Variants in ATP8A1 observed in about 807,000 individuals in gnomAD.
The protein encoded by ATP8A1 is ATPase phospholipid transporting 8A1.
In ATP8A1, 90 loss-of-function variants were observed where a neutral mutation model predicts 177.7. That is an observed-to-expected ratio of 0.51 (90% confidence interval 0.43 to 0.60). The LOEUF (loss-of-function observed/expected upper bound fraction) is 0.60, where lower values mean the gene tolerates loss of function less well. Among genes scored for constraint, ATP8A1 ranks in the 20% least tolerant of loss-of-function variants. The pLI is 0.00. For missense variants in ATP8A1, 1,072 were observed against 1,392.8 expected (o/e 0.77, Z 3.67); for synonymous variants, 493 against 485.9 (o/e 1.01, Z -0.19).
chr4:42,641,010 GAAAA>G (rs10609874), intron 1 of ATP8A1, among the ~76,000 whole-genome samples: 3 of 123,420 alleles, frequency 2.4e-5, no homozygotes, highest in Non-Finnish European at 5.1e-5. Flanking sequence ...CCCCTCACCA[GAAAA>G]AAAAAAAAAA....
intron 36 of ATP8A1, 83 bp downstream of exon 36, chr4:42,414,544 C>T: frequency 8.3e-7 from 1 of 1,201,240 alleles, no homozygotes; most frequent in Non-Finnish European, 1.2e-6. Flanking sequence ...AAATAAATAT[C>T]CCTAAAGTCA....
At chr4:42,599,888 T>C (rs531210101) in intron 6 of ATP8A1, among the ~76,000 whole-genome samples, 1 of 152,314 alleles carries the variant, frequency 6.6e-6, no homozygotes, top group South Asian at 2.1e-4. Context: ...CTAATAATAA[T>C]TGCTTACCTT....
chr4:42,639,384 T>C (rs942171696), intron 1 of ATP8A1, among the ~76,000 whole-genome samples: 1 of 152,172 alleles, frequency 6.6e-6, no homozygotes, highest in Admixed American at 6.5e-5. Flanking sequence ...ATTGATGAGA[T>C]GAGCCTGCTG....
intron 20 of ATP8A1, among the ~76,000 whole-genome samples, chr4:42,540,700 T>C (rs1200329055): frequency 6.6e-6 from 1 of 151,578 alleles, no homozygotes; most frequent in South Asian, 2.1e-4. Context: ...AAACATTGCA[T>C]ATTCTCACTT....
chr4:42,510,576 A>C (rs2153195274), intron 22 of ATP8A1, among the ~76,000 whole-genome samples: 1 of 152,240 alleles, frequency 6.6e-6, no homozygotes, highest in South Asian at 2.1e-4. Context: ...AGCCCTCAAA[A>C]TTTCCTGCAA....
intron 22 of ATP8A1, among the ~76,000 whole-genome samples, chr4:42,509,776 C>T (rs1243772142): frequency 6.8e-6 from 1 of 146,458 alleles, no homozygotes; most frequent in Admixed American, 7.3e-5. Context: ...GGCATGAACC[C>T]AGGAAGCGGA....
chr4:42,456,022 C>T (rs1027829670), intron 27 of ATP8A1, among the ~76,000 whole-genome samples: 28 of 152,030 alleles, frequency 1.8e-4, no homozygotes, highest in Non-Finnish European at 3.8e-4. Context: ...GAAATAGTTT[C>T]CTGCAATAGT....
rs1203300950 is a variant in ATP8A1, at chr4:42,445,831, GCA to G, written c.2958+750_2958+751del. ...GTGGTGGCTCATGCCTTTAATCCCAGCACTTTGGGAGGCTGAGGTGGGTGGAT... is the reference window on the plus strand; with the variant it reads ...GTGGTGGCTCATGCCTTTAATCCCAGCTTTGGGAGGCTGAGGTGGGTGGAT... On this transcript the variant is annotated intron_variant, in intron 31 of 36. Coordinates refer to ENST00000381668, the MANE Select transcript of ATP8A1 (RefSeq NM_006095.2). 7.9e-5 allele frequency among the ~76,000 whole-genome samples: 12 copies of G among 152,274 alleles called. No homozygotes were observed. In the East Asian group the frequency reaches 2.3e-3, roughly 29 times the overall value.
chr4:42,656,240 G>C (rs945024698), intron 1 of ATP8A1, among the ~76,000 whole-genome samples: 8 of 152,168 alleles, frequency 5.3e-5, no homozygotes, highest in Non-Finnish European at 8.8e-5. Flanking sequence ...TGAGGGTTTC[G>C]GGCAAAAGGG....
At chr4:42,622,538 T>C (rs1314643193) in intron 4 of ATP8A1, among the ~76,000 whole-genome samples, 1 of 151,020 alleles carries the variant, frequency 6.6e-6, no homozygotes, top group Admixed American at 6.6e-5. Context: ...AAGCAAAAAT[T>C]GACAAATTGG....
intron 35 of ATP8A1, among the ~76,000 whole-genome samples, chr4:42,420,772 T>C (rs74337418): frequency 0.054 from 370 of 6,812 alleles, 6 homozygotes; most frequent in African/African-American, 0.14. Flanking sequence ...CTAGAACTCT[T>C]TTTTTTTTTT....
At chr4:42,469,447 C>A (rs534234194) in intron 25 of ATP8A1, among the ~76,000 whole-genome samples, 1 of 152,220 alleles carries the variant, frequency 6.6e-6, no homozygotes, top group South Asian at 2.1e-4. Flanking sequence ...GTTTGTCAAG[C>A]TGAAGTCAGT....
chr4:42,651,760 C>CA (rs1741122097), intron 1 of ATP8A1, among the ~76,000 whole-genome samples: 1 of 152,218 alleles, frequency 6.6e-6, no homozygotes, highest in African/African-American at 2.4e-5. Flanking sequence ...TTATGGAAGA[C>CA]AAACTCTCAG....
intron 20 of ATP8A1, among the ~76,000 whole-genome samples, chr4:42,526,063 T>C (rs1019768336): frequency 5.3e-5 from 8 of 152,126 alleles, no homozygotes; most frequent in African/African-American, 1.9e-4. Flanking sequence ...TATTAATACA[T>C]TCCATTCTAA....
intron 5 of ATP8A1, among the ~76,000 whole-genome samples, chr4:42,610,581 G>GC (rs1340599838): frequency 3.8e-5 from 4 of 106,624 alleles, no homozygotes; most frequent in Admixed American, 2.1e-4. Context: ...TCCTTTGTGT[G>GC]CAAAAAAAAA....
At chr4:42,546,921 C>T (rs1256735778) in intron 19 of ATP8A1, among the ~76,000 whole-genome samples, 1 of 152,130 alleles carries the variant, frequency 6.6e-6, no homozygotes, top group Non-Finnish European at 1.5e-5. Flanking sequence ...TTTTTCTAAT[C>T]AACCCTTACC....
intron 33 of ATP8A1, among the ~76,000 whole-genome samples, chr4:42,434,457 T>C (rs1715683304): frequency 6.6e-6 from 1 of 152,178 alleles, no homozygotes; most frequent in African/African-American, 2.4e-5. Context: ...TTTAAATACC[T>C]CAAAACTTCA....
At chr4:42,622,467 A>G (rs917998272) in intron 4 of ATP8A1, among the ~76,000 whole-genome samples, 6 of 152,162 alleles carry the variant, frequency 3.9e-5, no homozygotes, top group African/African-American at 1.2e-4. Context: ...AGGCACTACT[A>G]TTCAGGACAT....
At chr4:42,454,779 G>A (rs1718305295) in intron 29 of ATP8A1, among the ~76,000 whole-genome samples, 1 of 152,074 alleles carries the variant, frequency 6.6e-6, no homozygotes, top group Non-Finnish European at 1.5e-5. Context: ...GAAATACTGA[G>A]TACTATTTCC....
Sources: gnomAD v4.1 joint callset for allele counts (sites outside exome capture counted in the v4.1 genomes callset) on GRCh38, gnomAD v4.1.1 for gene constraint, MANE v1.5 for transcripts, NCBI Gene and HGNC (gene_info 2026-07-23, HGNC 2026-07-21) for gene names.